The following IL1B variants were observed in gnomAD, a reference collection of about 807,000 sequenced individuals.
IL1B encodes interleukin-1 beta.
Under a neutral mutation model 26.2 loss-of-function variants are expected in IL1B, and 11 were observed. The ratio of observed to expected loss-of-function variants is 0.42; its 90% CI spans 0.26 to 0.70. IL1B has a LOEUF of 0.70. Among genes scored for constraint, IL1B ranks in the 30% least tolerant of loss-of-function variants. The probability of loss-of-function intolerance (pLI) is 0.25; values close to 1 mark genes in which losing one functional copy is unlikely to be tolerated. For synonymous variants in IL1B, 118 were observed against 120.8 expected (o/e 0.98, Z 0.15); for missense variants, 255 against 327.5 (o/e 0.78, Z 1.71).
At chr2:112,836,269 G>A in intron 1 of IL1B, 25 bp from the exon 2 acceptor site, 1 of 1,569,764 alleles carries the variant, frequency 6.4e-7, no homozygotes, top group African/African-American at 1.3e-5. Context: ...GAAAATGAGT[G>A]ACTTCCCCAT....
intron 6 of IL1B, 76 bp downstream of exon 6, chr2:112,831,216 C>T (rs1143639): frequency 0.22 from 337,354 of 1,546,724 alleles, 39,101 homozygotes; most frequent in Middle Eastern, 0.32. Flanking sequence ...GGGATGGGGG[C>T]GGGGAGAAGG....
intron 2 of IL1B, 146 bp downstream of exon 2, chr2:112,836,037 T>C: frequency 1.4e-6 from 1 of 719,516 alleles, no homozygotes; most frequent in Non-Finnish European, 2.5e-6. Context: ...AATGGGAAAG[T>C]AGTCTTTAAA....
intron 3 of IL1B, 95 bp from the exon 4 acceptor site, chr2:112,833,670 G>A (rs1558783246): frequency 8.5e-7 from 1 of 1,180,178 alleles, no homozygotes; most frequent in African/African-American, 1.5e-5. Context: ...AGGAGGAAAG[G>A]GCTTGAAAGA....
intron 3 of IL1B, among the ~76,000 whole-genome samples, chr2:112,834,338 A>G (rs1200477923): frequency 3.3e-5 from 5 of 152,142 alleles, no homozygotes. Context: ...CAAGTATTCA[A>G]TTTTTCTACA....
At chr2:112,836,445 G>C (rs554758229) in intron 1 of IL1B, 22 of 530,756 alleles carry the variant, frequency 4.1e-5, no homozygotes, top group South Asian at 3.8e-4. Context: ...GGCTAGGAGA[G>C]CTGGAGCAGA....
chr2:112,836,029 T>C (rs1283952883), intron 2 of IL1B, among the ~76,000 whole-genome samples, 154 bp downstream of exon 2: 1 of 152,194 alleles, frequency 6.6e-6, no homozygotes, highest in African/African-American at 2.4e-5. Flanking sequence ...GGACTTGTAA[T>C]GGGAAAGTAG....
At chr2:112,832,952 C>T (rs1199585313) in intron 4 of IL1B, 126 bp from the exon 5 acceptor site, 2 of 876,964 alleles carry the variant, frequency 2.3e-6, no homozygotes, top group Admixed American at 1.9e-5. Flanking sequence ...ATGACAACAC[C>T]AGTAGGGATG....
At chr2:112,832,544 A>AT (rs529316093) in intron 5 of IL1B, 118 bp downstream of exon 5, 39 of 1,115,316 alleles carry the variant, frequency 3.5e-5, no homozygotes, top group African/African-American at 4.7e-5. Context: ...CCTTTTTAAT[A>AT]TTTTTTTTCA....
intron 1 of IL1B, 82 bp from the exon 2 acceptor site, chr2:112,836,326 A>T: frequency 1.0e-6 from 1 of 955,048 alleles, no homozygotes; most frequent in Non-Finnish European, 1.7e-6. Context: ...AGTGCATGGC[A>T]GTCATGCAAA....
intron 6 of IL1B, 182 bp downstream of exon 6, chr2:112,831,110 G>A (rs1333690870): frequency 1.5e-6 from 1 of 654,744 alleles, no homozygotes; most frequent in African/African-American, 1.8e-5. Context: ...TTAATTTTCT[G>A]CAGCAGGATT....
At chr2:112,836,603 C>A in intron 1 of IL1B, 105 bp downstream of exon 1, 1 of 287,766 alleles carries the variant, frequency 3.5e-6, no homozygotes. Context: ...GAGGGAGAGA[C>A]AGAGAAAGAA....
intron 6 of IL1B, 80 bp from the exon 7 acceptor site, chr2:112,830,653 G>C: frequency 9.8e-7 from 1 of 1,022,208 alleles, no homozygotes; most frequent in South Asian, 1.3e-5. Flanking sequence ...GGGTTGGCCA[G>C]AAAGGAAACT....
intron 1 of IL1B, 163 bp downstream of exon 1, chr2:112,836,545 C>T (rs1359552950): frequency 6.1e-6 from 2 of 329,164 alleles, no homozygotes; most frequent in Admixed American, 4.0e-5. Context: ...TTATATTACA[C>T]CTGGCATTTT....
At chr2:112,832,368 C>G (rs1167783691) in intron 5 of IL1B, among the ~76,000 whole-genome samples, 17 of 152,080 alleles carry the variant, frequency 1.1e-4, no homozygotes, top group Admixed American at 1.1e-3. Flanking sequence ...CATCAAATGA[C>G]CCCATATTGT....
intron 4 of IL1B, 86 bp downstream of exon 4, chr2:112,833,288 G>C: frequency 7.7e-7 from 1 of 1,307,176 alleles, no homozygotes; most frequent in Non-Finnish European, 1.1e-6. Context: ...AAAGGGCTTT[G>C]GCTCTGGGGG....
At position 112,833,582 on chromosome 2, in the gene IL1B, A is replaced by C. The variant is rs937511115; in HGVS notation, c.100-7T>G. On this transcript the variant is annotated splice_polypyrimidine_tract_variant and splice_region_variant and intron_variant, in intron 3 of 6. Transcript: ENST00000263341. ...CCAGGTCCTGGAAGGAGCACTGCGG[A>C]GAGAGCGAGGGAGGGAGCCTGGTGA... 2 of 1,613,590 alleles carry C rather than the reference A, an allele frequency of 1.2e-6. No homozygotes were observed. The highest frequency in any genetic ancestry group is 1.7e-6 in the Non-Finnish European group (2 of 1,179,864).
rs752959492 is a variant in IL1B, at chr2:112,832,825, T to C, written c.303A>G (p.Glu101=). 5.6e-6 allele frequency: 9 copies of C among 1,614,070 alleles called. No homozygotes were observed. In the East Asian group the frequency reaches 2.0e-4, roughly 36 times the overall value. The change falls in exon 5 of 7, where the codon GAA becomes GAG. Residue 101 remains glutamate, a splice_region_variant and synonymous_variant. Transcript: ENST00000263341. ...STFFPFIFEE[E]PIFFDTWDNE... ...TATCCCATGTGTCGAAGAAGATAGGTTCTGAAATGTGGAGCACATGTTGTT... is the reference window on the plus strand; with the variant it reads ...TATCCCATGTGTCGAAGAAGATAGGCTCTGAAATGTGGAGCACATGTTGTT...
intron 1 of IL1B, 168 bp downstream of exon 1, chr2:112,836,540 T>G (rs1682095089): frequency 5.9e-6 from 2 of 341,694 alleles, no homozygotes; most frequent in Admixed American, 7.9e-5. Flanking sequence ...AAGCATTATA[T>G]TACACCTGGC....
intron 3 of IL1B, among the ~76,000 whole-genome samples, chr2:112,833,980 G>C (rs2104936432): frequency 6.6e-6 from 1 of 152,064 alleles, no homozygotes; most frequent in Admixed American, 6.5e-5. Flanking sequence ...GCAACAGAGT[G>C]AGACTCTGTC....
Sources: allele counts gnomAD v4.1 joint callset (sites outside exome capture counted in the v4.1 genomes callset), GRCh38; gene constraint gnomAD v4.1.1; transcripts MANE v1.5; gene names NCBI Gene and HGNC (gene_info 2026-07-23, HGNC 2026-07-21).